The following ADGRL2 variants were observed in gnomAD, a reference collection of about 807,000 sequenced individuals.
ADGRL2 encodes the protein adhesion G protein-coupled receptor L2, also known as calcium-independent alpha-latrotoxin receptor 2.
A neutral mutation model predicts 157.4 loss-of-function variants in ADGRL2; 44 were observed. The observed-to-expected ratio is 0.28, with a 90% CI of 0.22 to 0.36. The LOEUF (loss-of-function observed/expected upper bound fraction) is 0.36, where lower values mean the gene tolerates loss of function less well. Among genes scored for constraint, ADGRL2 ranks in the 10% least tolerant of loss-of-function variants. The probability of loss-of-function intolerance (pLI) is 1.00; values close to 1 mark genes in which losing one functional copy is unlikely to be tolerated. For synonymous variants in ADGRL2, 585 were observed against 624.7 expected (o/e 0.94, Z 0.95); for missense variants, 1,510 against 1,768.9 (o/e 0.85, Z 2.63).
At chr1:81,754,201 C>T (rs937487103) in intron 1 of ADGRL2, among the ~76,000 whole-genome samples, 4 of 144,802 alleles carry the variant, frequency 2.8e-5, no homozygotes, top group African/African-American at 1.0e-4. Context: ...GATTCCCTCC[C>T]TCCCTCCCTC....
chr1:81,744,849 T>C (rs560314680), intron 1 of ADGRL2, among the ~76,000 whole-genome samples: 6 of 152,358 alleles, frequency 3.9e-5, no homozygotes, highest in African/African-American at 1.4e-4. Context: ...TAAGCTCATA[T>C]GAAATTATGT....
At chr1:81,855,717 A>C (rs1209253024) in intron 2 of ADGRL2, among the ~76,000 whole-genome samples, 3 of 152,148 alleles carry the variant, frequency 2.0e-5, no homozygotes, top group Non-Finnish European at 4.4e-5. Flanking sequence ...GCTAATTCAA[A>C]CAGACACTGA....
intron 1 of ADGRL2, among the ~76,000 whole-genome samples, chr1:81,348,795 A>G (rs1485692686): frequency 6.6e-6 from 1 of 152,224 alleles, no homozygotes; most frequent in Non-Finnish European, 1.5e-5. Context: ...ATACTGGGAC[A>G]CAGTAAACAA....
chr1:81,426,374 T>C (rs1006415762), intron 1 of ADGRL2: 5 of 296,764 alleles, frequency 1.7e-5, no homozygotes, highest in African/African-American at 1.1e-4. Flanking sequence ...CCTTCTTGCT[T>C]CTATGGTTTT....
chr1:81,754,720 CTTTT>C (rs906227595), intron 1 of ADGRL2, among the ~76,000 whole-genome samples: 1 of 142,806 alleles, frequency 7.0e-6, no homozygotes, highest in African/African-American at 2.6e-5. Flanking sequence ...CTCTCTCTTT[CTTTT>C]TTTCTTTCTT....
chr1:81,951,924 A>T lies in ADGRL2; in HGVS notation c.1609-33A>T, dbSNP rs767873685. ...CTAGAAGCTGTAAACAGAAAAAAAA[A>T]TTTAAATGAGATAATACAAATTGTT... is the stretch of plus-strand genomic sequence containing the variant. On this transcript the variant is annotated intron_variant, in intron 8 of 23. Transcript: ENST00000686636. The T allele has an allele frequency of 5.2e-6, 8 of 1,536,616 alleles. No individual in the cohort carries two copies. The East Asian group carries it at 1.4e-4, about 27-fold the overall frequency.
intron 1 of ADGRL2, among the ~76,000 whole-genome samples, chr1:81,364,552 A>C (rs1400241708): frequency 6.6e-6 from 1 of 152,140 alleles, no homozygotes; most frequent in East Asian, 1.9e-4. Flanking sequence ...ACACTTTACT[A>C]TGAAAATTAC....
At chr1:81,855,492 C>A (rs1231110199) in intron 2 of ADGRL2, among the ~76,000 whole-genome samples, 1 of 152,022 alleles carries the variant, frequency 6.6e-6, no homozygotes, top group East Asian at 1.9e-4. Flanking sequence ...AGGTGCTATT[C>A]AGCTTCAGGT....
chr1:81,887,172 G>A (rs2094146210), intron 2 of ADGRL2, among the ~76,000 whole-genome samples: 1 of 152,166 alleles, frequency 6.6e-6, no homozygotes, highest in South Asian at 2.1e-4. Context: ...GTCACTTGAA[G>A]CTTCAAATTT....
intron 3 of ADGRL2, among the ~76,000 whole-genome samples, chr1:81,915,149 C>T (rs2094825596): frequency 6.6e-6 from 1 of 152,052 alleles, no homozygotes; most frequent in Non-Finnish European, 1.5e-5. Context: ...AGTCTCTGCT[C>T]ACTGCAGCCC....
intron 2 of ADGRL2, among the ~76,000 whole-genome samples, chr1:81,898,347 T>C (rs1340515737): frequency 6.6e-6 from 1 of 152,180 alleles, no homozygotes; most frequent in African/African-American, 2.4e-5. Context: ...AAAATGACAT[T>C]GCATTCTTTT....
At chr1:81,623,743 T>A (rs891462879) in intron 3 of ADGRL2, among the ~76,000 whole-genome samples, 2 of 151,114 alleles carry the variant, frequency 1.3e-5, no homozygotes, top group Non-Finnish European at 2.9e-5. Flanking sequence ...TTCAAGCGAT[T>A]CTCCTGCCCC....
At chr1:81,901,681 A>G (rs2094490754) in intron 2 of ADGRL2, among the ~76,000 whole-genome samples, 1 of 152,012 alleles carries the variant, frequency 6.6e-6, no homozygotes, top group Admixed American at 6.6e-5. Context: ...ATGGGTTTTT[A>G]TGTCTTTTAT....
chr1:81,651,269 A>G (rs2082414763), intron 3 of ADGRL2, among the ~76,000 whole-genome samples: 2 of 148,420 alleles, frequency 1.3e-5, no homozygotes, highest in South Asian at 2.3e-4. Context: ...CAAGAATTAG[A>G]AAAAAAAATC....
intron 2 of ADGRL2, among the ~76,000 whole-genome samples, chr1:81,902,423 C>G (rs1423341177): frequency 1.3e-5 from 2 of 151,764 alleles, no homozygotes; most frequent in Non-Finnish European, 2.9e-5. Flanking sequence ...CATGGCGAAA[C>G]CTCATCTCTA....
At chr1:81,497,284 C>A (rs893695617) in intron 2 of ADGRL2, among the ~76,000 whole-genome samples, 6 of 152,184 alleles carry the variant, frequency 3.9e-5, no homozygotes, top group African/African-American at 1.4e-4. Flanking sequence ...GCTCCAGGCG[C>A]TAGCGTATTG....
intron 1 of ADGRL2, among the ~76,000 whole-genome samples, chr1:81,702,844 CACAG>C (rs779886858): frequency 1.3e-4 from 20 of 152,074 alleles, no homozygotes; most frequent in Non-Finnish European, 1.9e-4. Flanking sequence ...GAACCATATT[CACAG>C]ATGATGCAAG....
At chr1:81,426,600 G>A (rs555454024) in intron 1 of ADGRL2, 2 of 476,032 alleles carry the variant, frequency 4.2e-6, no homozygotes. Context: ...AACGACAGAT[G>A]ATAGTTTAAG....
intron 6 of ADGRL2, among the ~76,000 whole-genome samples, chr1:81,944,125 A>G (rs1018217502): frequency 1.3e-3 from 201 of 152,112 alleles, no homozygotes; most frequent in African/African-American, 4.6e-3. Context: ...TCTTGGCGCC[A>G]GTGGTTAAAG....
Sources: gnomAD v4.1 joint callset for allele counts (sites outside exome capture counted in the v4.1 genomes callset) on GRCh38, gnomAD v4.1.1 for gene constraint, MANE v1.5 for transcripts, NCBI Gene and HGNC (gene_info 2026-07-23, HGNC 2026-07-21) for gene names.